FLNB: variants seen among roughly 807,000 people sequenced by gnomAD.
The protein encoded by FLNB is filamin B.
In FLNB, 111 loss-of-function variants were observed where a neutral mutation model predicts 250.6. That is an observed-to-expected ratio of 0.44 (90% confidence interval 0.38 to 0.52). The LOEUF is 0.52. Among genes scored for constraint, FLNB ranks in the 20% least tolerant of loss-of-function variants. The pLI is 0.00. For synonymous variants in FLNB, 1,302 were observed against 1,372.1 expected, an observed-to-expected ratio of 0.95 and a Z score of 1.13; for missense variants, 2,869 against 3,447.8, an observed-to-expected ratio of 0.83 and a Z score of 4.20.
At chr3:58,083,668 T>C (rs2097212643) in intron 4 of FLNB, among the ~76,000 whole-genome samples, 1 of 152,150 alleles carries the variant, frequency 6.6e-6, no homozygotes, top group Non-Finnish European at 1.5e-5. Context: ...AGGGCAGTGA[T>C]GCTGACCACG....
At chr3:58,095,363 G>C (rs138861008) in intron 5 of FLNB, among the ~76,000 whole-genome samples, 5 of 151,986 alleles carry the variant, frequency 3.3e-5, no homozygotes, top group African/African-American at 1.2e-4. Context: ...GCCTCAGCCC[G>C]GCTAATTTTT....
chr3:58,015,318 C>G (rs2097104327), intron 1 of FLNB, among the ~76,000 whole-genome samples: 1 of 152,110 alleles, frequency 6.6e-6, no homozygotes, highest in African/African-American at 2.4e-5. Context: ...GCTTTTGGAC[C>G]CAAGTCCAGG....
At chr3:58,128,048 A>G (rs1368198848) in intron 24 of FLNB, among the ~76,000 whole-genome samples, 1 of 152,104 alleles carries the variant, frequency 6.6e-6, no homozygotes, top group Non-Finnish European at 1.5e-5. Context: ...TGAAGAGGGC[A>G]AAGCCCCACC....
In FLNB at chr3:58,130,906, G is replaced by A. The variant is rs200849899; in HGVS notation, c.4388G>A (p.Arg1463Gln). ...APLEVRVLGPRGLVEPVNVVD... is the reference protein window; with the variant it reads ...APLEVRVLGPQGLVEPVNVVD... Reference sequence around the variant, plus strand: ...CTGGAAGTGAGGGTTCTGGGCCCACGAGGTAAGTGTGCACCCTGCCTTCCT... The same window carrying A: ...CTGGAAGTGAGGGTTCTGGGCCCACAAGGTAAGTGTGCACCCTGCCTTCCT... The change falls in exon 25 of 46, where the codon CGA becomes CAA. Residue 1463 changes from arginine (R) to glutamine (Q), a missense_variant and splice_region_variant. By Grantham distance (43) the Arg-to-Gln change is conservative. This residue lies in a region of FLNB where 1,348 missense variants were observed against 1,466.7 expected (regional missense o/e 0.92). Transcript: ENST00000295956. 18 of 1,610,078 alleles carry A rather than the reference G, an allele frequency of 1.1e-5. No homozygotes were observed. Among genetic ancestry groups the A allele is most frequent in the Non-Finnish European group, 1.4e-5 (17 of 1,178,722 alleles).
chr3:58,022,579 C>T (rs1424683517), intron 1 of FLNB, among the ~76,000 whole-genome samples: 1 of 152,142 alleles, frequency 6.6e-6, no homozygotes, highest in Non-Finnish European at 1.5e-5. Context: ...TAGAGAGAGC[C>T]CATACAAAGT....
intron 10 of FLNB, 55 bp from the exon 11 acceptor site, chr3:58,105,025 T>C (rs1312751340): frequency 1.2e-6 from 2 of 1,609,926 alleles, no homozygotes; most frequent in Non-Finnish European, 1.7e-6. Flanking sequence ...CTTATGGCTA[T>C]AGTGACACCT....
intron 1 of FLNB, among the ~76,000 whole-genome samples, chr3:58,041,227 TTCAG>T (rs1311293751): frequency 4.6e-5 from 7 of 152,216 alleles, no homozygotes; most frequent in Admixed American, 3.3e-4. Flanking sequence ...TCTTTTTGCT[TTCAG>T]TATCACTTTA....
chr3:58,085,547 C>T (rs1202034967), intron 4 of FLNB, among the ~76,000 whole-genome samples: 1 of 152,142 alleles, frequency 6.6e-6, no homozygotes, highest in Admixed American at 6.5e-5. Flanking sequence ...TTTGTTGATC[C>T]ATTCACTGAG....
At position 58,170,738 on chromosome 3, in the gene FLNB, C is replaced by T. The variant is rs763504778; in HGVS notation, c.7785C>T (p.Ser2595=). ...GGGGGGAGGAACACATCCCTGGCAG[C>T]CCTTTTCATGTCACAGTGCCTTAAA... is the stretch of plus-strand genomic sequence containing the variant. ...VKWGEEHIPG[S]PFHVTVP Residue 2595 remains serine, a synonymous_variant, in exon 46 of 46, where the codon AGC becomes AGT. Transcript: ENST00000295956. 27 of 1,614,040 alleles carry T rather than the reference C, an allele frequency of 1.7e-5. 1 individual carries two copies. In the South Asian group the frequency reaches 2.6e-4, roughly 16 times the overall value.
At chr3:58,103,732 G>A (rs2097254750) in intron 9 of FLNB, among the ~76,000 whole-genome samples, 1 of 152,200 alleles carries the variant, frequency 6.6e-6, no homozygotes, top group African/African-American at 2.4e-5. Flanking sequence ...AATTAGCTGG[G>A]AAATCCTCCA....
rs145036794 is a variant in FLNB, at chr3:58,094,856, A to G, written c.808A>G (p.Met270Val). The change falls in exon 5 of 46, where the codon ATG (methionine) becomes GTG (valine). Residue 270 changes from methionine to valine, a missense_variant. Around this residue, in one of 5 missense-constraint regions of FLNB, gnomAD observed 308 missense variants for 466.1 expected, o/e 0.66. Coordinates refer to ENST00000295956, the MANE Select transcript of FLNB (RefSeq NM_001457.4). The stretch of plus-strand genomic sequence containing the variant: ...GGCAGGAATCGAGCCCACTGGAAAC[A>G]TGGTGAAGCAGCCAGCCAAGTTCAC... ...YGRGIEPTGN[M>V]VKQPAKFTVD... 1,864 of 1,614,128 alleles carry G rather than the reference A, an allele frequency of 1.2e-3. 1 individual carries two copies. Among genetic ancestry groups the G allele is most frequent in the Non-Finnish European group, 1.4e-3 (1,683 of 1,179,980 alleles).
At chr3:58,075,105 C>T (rs2097199849) in intron 1 of FLNB, among the ~76,000 whole-genome samples, 1 of 151,928 alleles carries the variant, frequency 6.6e-6, no homozygotes, top group Non-Finnish European at 1.5e-5. Flanking sequence ...GAGTGGCATG[C>T]CATGCACCCC....
Position 58,150,185 on chromosome 3 carries a change from G to C in FLNB, c.6325G>C (p.Ala2109Pro), listed in dbSNP as rs770714919. The change falls in exon 38 of 46, where the codon GCC becomes CCC. Residue 2109 changes from alanine (A) to proline (P), a missense_variant. Ala to Pro is a conservative substitution (Grantham distance 27). Around this residue, in one of 5 missense-constraint regions of FLNB, gnomAD observed 1,084 missense variants for 1,315.5 expected, o/e 0.82. Transcript: ENST00000295956. ...ITRTSRAPSV[A>P]TVGSICDLNL... ...CCGCACCAGTCGGGCCCCGTCCGTG[G>C]CCACTGTCGGGAGCATTTGTGACCT... is the stretch of plus-strand genomic sequence containing the variant. The C allele has an allele frequency of 6.2e-7, 1 of 1,614,114 alleles. No individual in the cohort carries two copies. The highest frequency in any genetic ancestry group is 1.3e-5 in the African/African-American group (1 of 74,936).
At chr3:58,056,089 ATTTATTTATTTATTTATTTTTTT>A (rs139151144) in intron 1 of FLNB, among the ~76,000 whole-genome samples, 8,753 of 146,760 alleles carry the variant, frequency 0.06, 824 homozygotes, top group African/African-American at 0.21. Context: ...TTATTTATTT[ATTTATTTATTTATTTATTTTTTT>A]TTTTTTTGAG....
Position 58,170,848 on chromosome 3 carries a change from T to C in FLNB, c.*86T>C. 7.8e-7 allele frequency: 1 copy of C among 1,281,614 alleles called. No homozygotes were observed. Among genetic ancestry groups the C allele is most frequent in the Non-Finnish European group, 1.1e-6 (1 of 900,164 alleles). The allele number at this position is 1,281,614 out of a possible 1,614,324, so 79.4% of individuals were successfully genotyped here. A position where few individuals can be genotyped will look rare whatever the true frequency, so the allele number is the denominator to read the frequency against. On this transcript the variant is annotated 3_prime_UTR_variant, in exon 46 of 46. Transcript: ENST00000295956. Reference sequence around the variant, plus strand: ...TCATTTTATACAAAGCCCTCCAGCCTGTTTGTGGGGCTGAAACCCCATCCC... The same window carrying C: ...TCATTTTATACAAAGCCCTCCAGCCCGTTTGTGGGGCTGAAACCCCATCCC...
At chr3:58,037,254 G>A (rs1576617068) in intron 1 of FLNB, among the ~76,000 whole-genome samples, 1 of 151,946 alleles carries the variant, frequency 6.6e-6, no homozygotes, top group Admixed American at 6.6e-5. Flanking sequence ...TAGTAGAGAC[G>A]GGGTTTCGCC....
In FLNB at chr3:58,010,576, A is replaced by G. The variant is rs555468209; in HGVS notation, c.292+1720A>G. Among the ~76,000 whole-genome samples, 8 of 152,298 alleles carry G rather than the reference A, an allele frequency of 5.3e-5. No individual in the cohort carries two copies. In the South Asian group the frequency reaches 1.7e-3, roughly 32 times the overall value. On this transcript the variant is annotated intron_variant, in intron 1 of 45. Transcript: ENST00000295956. ...TCAGAATCTCCTGGAATTCTTTACCATTCAGAAACCAGCCTCCCCTCTGAA... is the reference window on the plus strand; with the variant it reads ...TCAGAATCTCCTGGAATTCTTTACCGTTCAGAAACCAGCCTCCCCTCTGAA...
chr3:58,154,565 AT>A (rs1003606914), intron 39 of FLNB: 42 of 494,908 alleles, frequency 8.5e-5, no homozygotes, highest in Middle Eastern at 5.7e-4. Flanking sequence ...AAAAAAAGAC[AT>A]GTCTTCAGAG....
intron 1 of FLNB, among the ~76,000 whole-genome samples, chr3:58,057,096 C>A (rs1032593201): frequency 6.6e-6 from 1 of 152,196 alleles, no homozygotes; most frequent in Non-Finnish European, 1.5e-5. Flanking sequence ...CCACCTCAGT[C>A]TCCTGAGTAG....
Sources: gnomAD v4.1 joint callset for allele counts (sites outside exome capture counted in the v4.1 genomes callset) on GRCh38, gnomAD v4.1.1 for gene constraint, gnomAD v4.1.1 regional missense constraint, MANE v1.5 for transcripts, NCBI Gene and HGNC (gene_info 2026-07-23, HGNC 2026-07-21) for gene names.